Variants in SLC35F3 observed in about 807,000 individuals in gnomAD.
SLC35F3 encodes solute carrier family 35 member F3.
Under a neutral mutation model 49.9 loss-of-function variants are expected in SLC35F3, and 25 were observed. That is an observed-to-expected ratio of 0.50 (90% CI 0.37 to 0.70). The LOEUF (loss-of-function observed/expected upper bound fraction) is 0.70. Among genes scored for constraint, SLC35F3 ranks in the 30% least tolerant of loss-of-function variants. SLC35F3 has a pLI of 0.00. For missense variants in SLC35F3, 525 were observed against 639.8 expected (o/e 0.82, Z 1.94); for synonymous variants, 275 against 265.4 (o/e 1.04, Z -0.35).
intron 2 of SLC35F3, among the ~76,000 whole-genome samples, chr1:234,142,705 T>C (rs1461264604): frequency 6.6e-6 from 1 of 151,712 alleles, no homozygotes. Context: ...GACCCTATGG[T>C]TGGAGGTCTT....
chr1:233,935,536 T>C, intron 2 of SLC35F3, among the ~76,000 whole-genome samples: 1 of 152,098 alleles, frequency 6.6e-6, no homozygotes, highest in East Asian at 1.9e-4. Flanking sequence ...TGGCCCTAGG[T>C]TGACGGAGTT....
At chr1:234,197,801 G>T (rs1009053835) in intron 2 of SLC35F3, among the ~76,000 whole-genome samples, 3 of 152,224 alleles carry the variant, frequency 2.0e-5, no homozygotes, top group Admixed American at 2.0e-4. Context: ...TGAGGGAAAA[G>T]AAATTTCAAA....
chr1:234,141,495 A>G (rs1248320986), intron 2 of SLC35F3, among the ~76,000 whole-genome samples: 1 of 152,210 alleles, frequency 6.6e-6, no homozygotes, highest in African/African-American at 2.4e-5. Context: ...CATCACCACA[A>G]TCAAGGTACT....
At chr1:233,913,219 T>C (rs1661911921) in intron 2 of SLC35F3, among the ~76,000 whole-genome samples, 1 of 152,214 alleles carries the variant, frequency 6.6e-6, no homozygotes, top group Non-Finnish European at 1.5e-5. Flanking sequence ...TAGTCAGCTA[T>C]TGCTAGACGG....
chr1:233,927,418 C>T (rs1662177266), intron 2 of SLC35F3, among the ~76,000 whole-genome samples: 1 of 151,864 alleles, frequency 6.6e-6, no homozygotes. Flanking sequence ...AAATTTATAC[C>T]TATAACAACA....
chr1:234,097,854 T>A (rs1665147365), intron 2 of SLC35F3, among the ~76,000 whole-genome samples: 1 of 152,112 alleles, frequency 6.6e-6, no homozygotes. Context: ...ATGAAAGAGA[T>A]GAAGAGACAT....
In SLC35F3 at chr1:233,906,733, T is replaced by TAA. The variant is rs1661784125; in HGVS notation, c.283+975_283+976insAA. On this transcript the variant is annotated intron_variant, in intron 2 of 7. Coordinates refer to ENST00000366618, the MANE Select transcript of SLC35F3 (RefSeq NM_173508.4). Reference sequence around the variant, plus strand: ...TTGGTCTTTAAGGGGAAAACGGGCGTTTGTAATTTAATCATATTCATCACT... The same window carrying TAA: ...TTGGTCTTTAAGGGGAAAACGGGCGTAATTGTAATTTAATCATATTCATCACT... Among the ~76,000 whole-genome samples, 5 of 152,252 alleles carry TAA rather than the reference T, an allele frequency of 3.3e-5. No individual in the cohort carries two copies. The South Asian group carries it at 1.0e-3, about 32-fold the overall frequency.
chr1:234,142,207 T>C (rs2102903972), intron 2 of SLC35F3, among the ~76,000 whole-genome samples: 1 of 152,322 alleles, frequency 6.6e-6, no homozygotes, highest in African/African-American at 2.4e-5. Flanking sequence ...TTAACACTTC[T>C]GTTCTTGCAG....
intron 3 of SLC35F3, among the ~76,000 whole-genome samples, chr1:234,299,193 G>T (rs1668652113): frequency 6.6e-6 from 1 of 152,148 alleles, no homozygotes; most frequent in Admixed American, 6.5e-5. Context: ...TACCTAAACT[G>T]AATGTTTGGG....
chr1:234,257,236 A>G (rs1488663425), intron 3 of SLC35F3, among the ~76,000 whole-genome samples: 1 of 152,184 alleles, frequency 6.6e-6, no homozygotes, highest in African/African-American at 2.4e-5. Flanking sequence ...ATAAATATTC[A>G]AGTACTTTGT....
intron 2 of SLC35F3, among the ~76,000 whole-genome samples, chr1:234,018,493 C>T (rs1169714956): frequency 6.6e-6 from 1 of 152,108 alleles, no homozygotes. Flanking sequence ...CCTTTTTTCC[C>T]TCCTTCCACA....
At chr1:234,293,770 T>C (rs1668547176) in intron 3 of SLC35F3, among the ~76,000 whole-genome samples, 1 of 152,182 alleles carries the variant, frequency 6.6e-6, no homozygotes, top group Admixed American at 6.5e-5. Context: ...ATCAGTGTTA[T>C]CCAAAAAGGC....
chr1:234,187,500 T>C (rs1312066001), intron 2 of SLC35F3, among the ~76,000 whole-genome samples: 1 of 152,122 alleles, frequency 6.6e-6, no homozygotes, highest in Non-Finnish European at 1.5e-5. Flanking sequence ...TGCAGGAATA[T>C]ACCAGGAAAG....
In SLC35F3 at chr1:234,323,246, C is replaced by A. The variant is rs373054191; in HGVS notation, c.*3C>A. On this transcript the variant is annotated 3_prime_UTR_variant, in exon 8 of 8. Transcript: ENST00000366618. This position sits in a 1 kb window ranked among gnomAD's most constrained non-coding sequence, Gnocchi z 4.5. ...CCCGCCCTTCCTTCGCCCGCTAACA[C>A]CACTCCTCTAGAACTCGGTGGTAAT... The A allele has an allele frequency of 5.6e-6, 9 of 1,612,076 alleles. No homozygotes were observed. Among genetic ancestry groups the A allele is most frequent in the African/African-American group, 2.7e-5 (2 of 74,842 alleles).
chr1:233,930,570 G>A (rs1030085706), intron 2 of SLC35F3, among the ~76,000 whole-genome samples: 4 of 152,082 alleles, frequency 2.6e-5, no homozygotes, highest in Non-Finnish European at 5.9e-5. Flanking sequence ...AAAACATGGG[G>A]GTTGATGCAC....
chr1:233,984,517 C>G (rs1193143151), intron 2 of SLC35F3, among the ~76,000 whole-genome samples: 1 of 152,204 alleles, frequency 6.6e-6, no homozygotes, highest in Non-Finnish European at 1.5e-5. Flanking sequence ...GTGGAGGTTA[C>G]ACATTGGCTC....
chr1:234,231,288 C>A lies in SLC35F3; in HGVS notation c.284-129C>A. On this transcript the variant is annotated intron_variant, in intron 2 of 7. Transcript: ENST00000366618. This position sits in a 1 kb window ranked among gnomAD's most constrained non-coding sequence, Gnocchi z 5.4. Reference sequence around the variant, plus strand: ...GCTGTCACACAGCCGCCCTGGAAGCCGCCCCTGCACCCGCTATCTCCCCGG... The same window carrying A: ...GCTGTCACACAGCCGCCCTGGAAGCAGCCCCTGCACCCGCTATCTCCCCGG... 1 of 746,942 alleles carries A rather than the reference C, an allele frequency of 1.3e-6. No individual in the cohort carries two copies. The allele number at this position is 746,942 out of a possible 1,614,324, so 46.3% of individuals were successfully genotyped here. A position where few individuals can be genotyped will look rare whatever the true frequency, so the allele number is the denominator to read the frequency against.
chr1:234,285,728 A>C (rs1259505034), intron 3 of SLC35F3, among the ~76,000 whole-genome samples: 1 of 152,232 alleles, frequency 6.6e-6, no homozygotes, highest in African/African-American at 2.4e-5. Context: ...CTGAGGATAC[A>C]TCATGTCAAT....
chr1:234,274,598 C>T (rs1358424234), intron 3 of SLC35F3: 16 of 152,352 alleles, frequency 1.1e-4, no homozygotes, highest in East Asian at 3.9e-4. Flanking sequence ...GGGCACGAGA[C>T]GCCAGGGCTC....
Sources: allele counts gnomAD v4.1 joint callset (sites outside exome capture counted in the v4.1 genomes callset), GRCh38; gene constraint gnomAD v4.1.1; non-coding constraint Gnocchi (gnomAD v3.1); transcripts MANE v1.5; gene names NCBI Gene and HGNC (gene_info 2026-07-23, HGNC 2026-07-21).